LRRIQ3: variants seen among roughly 807,000 people sequenced by gnomAD.
The protein encoded by LRRIQ3 is leucine-rich repeat and IQ domain-containing protein 3.
A neutral mutation model predicts 59.3 loss-of-function variants in LRRIQ3; 75 were observed. That is an observed-to-expected ratio of 1.26 (90% CI 1.05 to 1.53). The LOEUF is 1.53. Among genes scored for constraint, LRRIQ3 ranks in the 40% most tolerant of loss-of-function variants. The pLI is 0.00. For synonymous variants in LRRIQ3, 250 were observed against 231.3 expected, an observed-to-expected ratio of 1.08 and a Z score of -0.73; for missense variants, 831 against 710.0, an observed-to-expected ratio of 1.17 and a Z score of -1.94.
intron 5 of LRRIQ3, among the ~76,000 whole-genome samples, chr1:74,098,643 T>C (rs9650976): frequency 0.32 from 49,343 of 151,918 alleles, 8,483 homozygotes; most frequent in Middle Eastern, 0.45. Context: ...AAATTGACCA[T>C]ATAGTTGCAA....
intron 6 of LRRIQ3, among the ~76,000 whole-genome samples, chr1:74,063,104 CA>C (rs796185693): frequency 6.7e-6 from 1 of 149,888 alleles, no homozygotes; most frequent in African/African-American, 2.4e-5. Context: ...CAAAACAAAA[CA>C]AAAAACCCCA....
intron 4 of LRRIQ3, among the ~76,000 whole-genome samples, chr1:74,113,178 A>C (rs935957892): frequency 6.6e-6 from 1 of 152,038 alleles, no homozygotes; most frequent in Admixed American, 6.6e-5. Context: ...GCAACTGAGA[A>C]GTACAATAAC....
intron 1 of LRRIQ3, among the ~76,000 whole-genome samples, chr1:74,184,748 A>T (rs372845657): frequency 2.6e-5 from 4 of 152,152 alleles, no homozygotes; most frequent in Admixed American, 2.6e-4. Context: ...ATCGACGAAC[A>T]CCTTATGAAA....
chr1:74,099,517 A>G (rs1280290830), intron 5 of LRRIQ3, among the ~76,000 whole-genome samples: 2 of 152,212 alleles, frequency 1.3e-5, no homozygotes, highest in Non-Finnish European at 2.9e-5. Flanking sequence ...AACTATTCCA[A>G]TCAATAGAAG....
At chr1:74,163,333 A>C (rs1375583099) in intron 3 of LRRIQ3, among the ~76,000 whole-genome samples, 1 of 151,606 alleles carries the variant, frequency 6.6e-6, no homozygotes, top group African/African-American at 2.4e-5. Flanking sequence ...CTAGCATGGA[A>C]TCTTTTGCAT....
chr1:74,143,358 G>A (rs530896472), intron 4 of LRRIQ3, among the ~76,000 whole-genome samples: 1 of 151,888 alleles, frequency 6.6e-6, no homozygotes, highest in Non-Finnish European at 1.5e-5. Context: ...TTCCAAGATA[G>A]CATTGAAAGA....
intron 3 of LRRIQ3, among the ~76,000 whole-genome samples, chr1:74,157,010 CAGGAAACAAAAAAAAAATCACA>C (rs1411166345): frequency 6.6e-6 from 1 of 151,854 alleles, no homozygotes; most frequent in African/African-American, 2.4e-5. Context: ...AAAAAGTTTA[CAGGAAACAAAAAAAAAATCACA>C]ACACCTTGCA....
intron 1 of LRRIQ3, among the ~76,000 whole-genome samples, chr1:74,192,813 T>C (rs914332822): frequency 1.3e-5 from 2 of 152,220 alleles, no homozygotes; most frequent in Non-Finnish European, 2.9e-5. Flanking sequence ...CAGTTATTTA[T>C]ATTATTCAGC....
At chr1:74,146,054 G>A (rs998426671) in intron 4 of LRRIQ3, among the ~76,000 whole-genome samples, 2 of 151,962 alleles carry the variant, frequency 1.3e-5, no homozygotes, top group African/African-American at 4.8e-5. Flanking sequence ...ATAAAATTTA[G>A]TATAGTAATA....
intron 1 of LRRIQ3, among the ~76,000 whole-genome samples, chr1:74,190,553 T>C (rs1009426923): frequency 6.7e-6 from 1 of 150,014 alleles, no homozygotes; most frequent in Non-Finnish European, 1.5e-5. Flanking sequence ...GTAATAAAAA[T>C]GCCAAAAAAG....
At chr1:74,184,432 A>C (rs1650222305) in intron 1 of LRRIQ3, among the ~76,000 whole-genome samples, 1 of 152,174 alleles carries the variant, frequency 6.6e-6, no homozygotes, top group Non-Finnish European at 1.5e-5. Flanking sequence ...AGAATGTATG[A>C]GCTGAAGTGG....
chr1:74,088,265 A>G (rs555433765), intron 5 of LRRIQ3, among the ~76,000 whole-genome samples: 1 of 152,256 alleles, frequency 6.6e-6, no homozygotes, highest in East Asian at 1.9e-4. Flanking sequence ...CACAACATTC[A>G]TACACATGGG....
intron 3 of LRRIQ3, among the ~76,000 whole-genome samples, chr1:74,176,350 ATAGG>A (rs1206919940): frequency 6.6e-6 from 1 of 152,096 alleles, no homozygotes; most frequent in Non-Finnish European, 1.5e-5. Flanking sequence ...TTTTTCACCT[ATAGG>A]TAAAGTGTTG....
chr1:74,172,483 A>G (rs1649385464), intron 3 of LRRIQ3, among the ~76,000 whole-genome samples: 1 of 152,086 alleles, frequency 6.6e-6, no homozygotes, highest in African/African-American at 2.4e-5. Context: ...AAATTTCTTA[A>G]TACTTATATG....
chr1:74,154,669 T>C (rs1012828614), intron 4 of LRRIQ3, among the ~76,000 whole-genome samples: 1 of 152,234 alleles, frequency 6.6e-6, no homozygotes. Flanking sequence ...ATTAGATCTG[T>C]ATTTAATATA....
At chr1:74,192,334 G>T (rs1022066957) in intron 1 of LRRIQ3, among the ~76,000 whole-genome samples, 1 of 152,048 alleles carries the variant, frequency 6.6e-6, no homozygotes, top group Non-Finnish European at 1.5e-5. Context: ...GAATGAATTT[G>T]TCACCCAAGA....
At chr1:74,171,711 T>C (rs553564203) in intron 3 of LRRIQ3, among the ~76,000 whole-genome samples, 2 of 152,288 alleles carry the variant, frequency 1.3e-5, no homozygotes, top group Admixed American at 1.3e-4. Context: ...TTAAAAATAA[T>C]TGGTATTAAT....
intron 6 of LRRIQ3, among the ~76,000 whole-genome samples, chr1:74,063,907 C>T (rs6424574): frequency 1 from 151,567 of 151,950 alleles, 75,594 homozygotes; most frequent in Non-Finnish European, 1. Flanking sequence ...GGTGTGTGAA[C>T]ATTTTCTGTG....
chr1:74,189,506 A>T (rs1022728686), intron 1 of LRRIQ3, among the ~76,000 whole-genome samples: 1 of 152,120 alleles, frequency 6.6e-6, no homozygotes. Flanking sequence ...ATGAGGACGA[A>T]ATAAGTCAAC....
Sources: allele counts gnomAD v4.1 joint callset (sites outside exome capture counted in the v4.1 genomes callset), GRCh38; gene constraint gnomAD v4.1.1; transcripts MANE v1.5; gene names NCBI Gene and HGNC (gene_info 2026-07-23, HGNC 2026-07-21).